WTAP: variants seen among roughly 807,000 people sequenced by gnomAD.
The protein encoded by WTAP is pre-mRNA-splicing regulator WTAP.
A neutral mutation model predicts 50.0 loss-of-function variants in WTAP; 8 were observed. That is an observed-to-expected ratio of 0.16 (90% CI 0.09 to 0.29). The LOEUF is 0.29. WTAP is among the 10% of genes least tolerant of loss of function. The pLI, the probability that WTAP is intolerant of heterozygous loss-of-function variation, is 1.00. For synonymous variants in WTAP, 194 were observed against 169.0 expected (o/e 1.15, Z -1.15); for missense variants, 295 against 470.7 (o/e 0.63, Z 3.45).
chr6:159,753,709 T>C (rs1779901283), intron 7 of WTAP, 95 bp downstream of exon 7: 1 of 1,423,614 alleles, frequency 7.0e-7, no homozygotes, highest in Admixed American at 2.4e-5. Context: ...ATTCTGTACA[T>C]TGTTAACCTC....
rs763561 is a variant in WTAP at position 159,745,858 on chromosome 6, A to G, written c.273+2066A>G. 6.0e-3 allele frequency among the ~76,000 whole-genome samples: 910 copies of G among 152,314 alleles called. 3 individuals carry two copies. The highest frequency in any genetic ancestry group is 8.9e-3 in the Non-Finnish European group (603 of 68,016). ...CACTGGTGGTAGCAGACAGGACAGAATAGGTGTTTTGGAGGCACAATCAAT... is the reference window on the plus strand; with the variant it reads ...CACTGGTGGTAGCAGACAGGACAGAGTAGGTGTTTTGGAGGCACAATCAAT... On this transcript the variant is annotated intron_variant, in intron 5 of 7. Transcript: ENST00000621533.
chr6:159,737,106 G>C (rs1426304157), intron 2 of WTAP, among the ~76,000 whole-genome samples: 1 of 152,134 alleles, frequency 6.6e-6, no homozygotes. Context: ...GGAGTGCAGT[G>C]GTGCAATCTT....
chr6:159,738,871 AATC>A, intron 2 of WTAP, 116 bp from the exon 3 acceptor site: 1 of 642,890 alleles, frequency 1.6e-6, no homozygotes, highest in Non-Finnish European at 2.5e-6. Flanking sequence ...TTTTTCAAAA[AATC>A]ATAATATGTA....
chr6:159,750,512 ATTAC>A (rs1345093137), intron 6 of WTAP, among the ~76,000 whole-genome samples: 1 of 152,226 alleles, frequency 6.6e-6, no homozygotes, highest in African/African-American at 2.4e-5. Flanking sequence ...AGTAACTGCT[ATTAC>A]TTTTTCTTGG....
rs1779897941 is a variant in WTAP at position 159,753,630 on chromosome 6, C to T, written c.607+16C>T. 1.3e-6 allele frequency: 2 copies of T among 1,587,838 alleles called. No homozygotes were observed. Among genetic ancestry groups the T allele is most frequent in the South Asian group, 2.3e-5 (2 of 87,312 alleles). ...AGTCAGGATGGTAAGGGGTTTGTTT[C>T]TTTTTGGAACGTTGTCTCAACTTTG... On this transcript the variant is annotated intron_variant, in intron 7 of 7. Transcript: ENST00000621533.
At chr6:159,738,485 T>C (rs1346011992) in intron 2 of WTAP, among the ~76,000 whole-genome samples, 1 of 152,238 alleles carries the variant, frequency 6.6e-6, no homozygotes, top group Non-Finnish European at 1.5e-5. Context: ...CATTTGCCTG[T>C]TAAAGGACAT....
intron 1 of WTAP, among the ~76,000 whole-genome samples, chr6:159,733,821 C>A (rs935890716): frequency 1.3e-5 from 2 of 151,998 alleles, no homozygotes; most frequent in African/African-American, 2.4e-5. Flanking sequence ...GAGGCTGAGG[C>A]AGGAGAATTG....
At chr6:159,750,324 A>G (rs180719657) in intron 6 of WTAP, among the ~76,000 whole-genome samples, 10 of 152,318 alleles carry the variant, frequency 6.6e-5, no homozygotes, top group Non-Finnish European at 1.2e-4. Context: ...TTTCTTTGAC[A>G]CTTAGATAAC....
chr6:159,735,126 A>G (rs1015968975), intron 1 of WTAP, among the ~76,000 whole-genome samples: 1 of 152,142 alleles, frequency 6.6e-6, no homozygotes, highest in African/African-American at 2.4e-5. Flanking sequence ...GGTGTGACAT[A>G]CATGTGTATG....
intron 1 of WTAP, among the ~76,000 whole-genome samples, chr6:159,732,836 CTCTG>C (rs1034045109): frequency 6.7e-6 from 1 of 148,150 alleles, no homozygotes; most frequent in South Asian, 2.2e-4. Context: ...GGGGGAGTGT[CTCTG>C]TCTGCTTCTT....
At position 159,755,749 on chromosome 6, in the gene WTAP, G is replaced by GTTTTTTTTTTTTTTTGTTTTTTTTTTTT. The variant is rs1402868444; in HGVS notation, c.*148_*149insTTTTTGTTTTTTTTTTTTTTTTTTTTTT. On this transcript the variant is annotated 3_prime_UTR_variant, in exon 8 of 8. Transcript: ENST00000621533. ...TTTTTTTTTGTTGTTTTTTTTCTTT[G>GTTTTTTTTTTTTTTTGTTTTTTTTTTTT]TTTTTTTTTTCTTTTCTTTTTTTTT... The GTTTTTTTTTTTTTTTGTTTTTTTTTTTT allele has an allele frequency of 3.3e-6, 1 of 300,296 alleles. No homozygotes were observed. The highest frequency in any genetic ancestry group is 1.6e-4 in the Admixed American group (1 of 6,130). 18.6% of individuals were successfully genotyped at this position (300,296 alleles called of 1,614,324 possible).
Position 159,748,073 on chromosome 6 carries a change from A to G in WTAP, c.274-118A>G. On this transcript the variant is annotated intron_variant, in intron 5 of 7. Transcript: ENST00000621533. This position sits in a 1 kb window ranked among gnomAD's most constrained non-coding sequence, Gnocchi z 5.6. ...ATTTTTCTAGAGAATTTCAGGATCA[A>G]AGAGGGGAGGAGCTTAATGAAAGAG... 1 of 1,269,656 alleles carries G rather than the reference A, an allele frequency of 7.9e-7. No homozygotes were observed. The allele number at this position is 1,269,656 out of a possible 1,614,324, so 78.6% of individuals were successfully genotyped here.
chr6:159,736,153 A>ATTT, intron 1 of WTAP, 105 bp from the exon 2 acceptor site: 2 of 1,101,076 alleles, frequency 1.8e-6, no homozygotes, highest in Non-Finnish European at 2.7e-6. Flanking sequence ...ATTCAACAGT[A>ATTT]ATTTAGTTCA....
At chr6:159,749,171 C>G (rs540233207) in intron 6 of WTAP, 7 of 985,892 alleles carry the variant, frequency 7.1e-6, no homozygotes, top group Non-Finnish European at 8.4e-6. Flanking sequence ...GGTGTGGTAT[C>G]AAACTTCAGG....
chr6:159,733,790 C>G (rs1211532868), intron 1 of WTAP, among the ~76,000 whole-genome samples: 1 of 152,096 alleles, frequency 6.6e-6, no homozygotes, highest in Non-Finnish European at 1.5e-5. Flanking sequence ...GTGGCGCATG[C>G]CTGTAATCCC....
At chr6:159,742,273 G>C in intron 4 of WTAP, 127 bp downstream of exon 4, 2 of 724,950 alleles carry the variant, frequency 2.8e-6, no homozygotes, top group Non-Finnish European at 4.5e-6. Context: ...ACTGTACATA[G>C]GCACTGTGTT....
rs1347076432 is a variant in WTAP, at chr6:159,727,694, G to A, written c.-18G>A. 2 of 984,412 alleles carry A rather than the reference G, an allele frequency of 2.0e-6. No homozygotes were observed. Among genetic ancestry groups the A allele is most frequent in the Non-Finnish European group, 2.4e-6 (2 of 829,982 alleles). 61.0% of individuals were successfully genotyped at this position (984,412 alleles called of 1,614,324 possible). ...GACCGGTGGCGCCGGCGCGGCTTCT[G>A]CCTGGAGAGGTAGGCGCGGGCCGGC... On this transcript the variant is annotated 5_prime_UTR_variant, in exon 1 of 8. Transcript: ENST00000621533.
intron 2 of WTAP, among the ~76,000 whole-genome samples, chr6:159,738,405 C>A (rs543687971): frequency 1.3e-5 from 2 of 152,212 alleles, no homozygotes; most frequent in South Asian, 4.1e-4. Flanking sequence ...CAAATTGTTT[C>A]ATGTATCAGT....
chr6:159,727,886 C>T (rs1778304280), intron 1 of WTAP, among the ~76,000 whole-genome samples, 183 bp downstream of exon 1: 1 of 152,202 alleles, frequency 6.6e-6, no homozygotes, highest in African/African-American at 2.4e-5. Context: ...TCCGCCGCTT[C>T]GAGGCCATTT....
Sources: gnomAD v4.1 joint callset for allele counts (sites outside exome capture counted in the v4.1 genomes callset) on GRCh38, gnomAD v4.1.1 for gene constraint, Gnocchi (gnomAD v3.1) non-coding constraint, MANE v1.5 for transcripts, NCBI Gene and HGNC (gene_info 2026-07-23, HGNC 2026-07-21) for gene names.